Variants in CSPG4 observed in about 807,000 individuals in gnomAD.
CSPG4 encodes the protein chondroitin sulfate proteoglycan 4, also known as chondroitin sulfate proteoglycan 4 (melanoma-associated).
In CSPG4, 74 loss-of-function variants were observed where a neutral mutation model predicts 139.3. The observed-to-expected ratio is 0.53, with a 90% CI of 0.44 to 0.64. The LOEUF is 0.64. Ranked by LOEUF, CSPG4 falls within the 30% of genes least tolerant of loss-of-function variation. The pLI, the probability that CSPG4 is intolerant of heterozygous loss-of-function variation, is 0.00. For synonymous variants in CSPG4, 1,234 were observed against 1,394.2 expected (o/e 0.89, Z 2.56); for missense variants, 2,565 against 3,148.3 (o/e 0.81, Z 4.43).
At position 75,675,923 on chromosome 15, in the gene CSPG4, CCTGGCTCGCCTGTGGGGGTGCTGCTCT is replaced by C. The variant is rs773772887; in HGVS notation, c.6569_6595del (p.Glu2190_Pro2198del). On this transcript the variant is annotated inframe_deletion, in exon 10 of 10. Transcript: ENST00000308508. The stretch of plus-strand genomic sequence containing the variant: ...GGGCTCAGGGCTGGATGCCATGGGG[CCTGGCTCGCCTGTGGGGGTGCTGCTCT>C]CTGGCTTCCCTGCTTCCGTCCGGGC... The C allele has an allele frequency of 1.3e-4, 202 of 1,598,554 alleles. No homozygotes were observed. Among genetic ancestry groups the C allele is most frequent in the Non-Finnish European group, 1.6e-4 (193 of 1,177,812 alleles).
chr15:75,690,867 C>T, intron 2 of CSPG4, 55 bp from the exon 3 acceptor site: 3 of 1,538,374 alleles, frequency 2.0e-6, no homozygotes, highest in Non-Finnish European at 2.6e-6. Context: ...TCCATCATTT[C>T]CCTTATAAAA....
chr15:75,682,239 C>A, intron 8 of CSPG4, 54 bp downstream of exon 8: 5 of 1,582,964 alleles, frequency 3.2e-6, no homozygotes, highest in Non-Finnish European at 4.3e-6. Context: ...CATGGCACAG[C>A]GGCCACCTGA....
rs748699110 is a variant in CSPG4, at chr15:75,682,344, G to A, written c.4899C>T (p.His1633=). The change falls in exon 8 of 10, where the codon CAC becomes CAT. Residue 1633 remains histidine, a synonymous_variant. Coordinates refer to ENST00000308508, the MANE Select transcript of CSPG4 (RefSeq NM_001897.5). ...VRGPQLGRLF[H]AQQDSTGEAL... ...CCTCCCCTGTGCTGTCCTGCTGGGC[G>A]TGGAACAGCCGGCCTAGCTGGGGGC... 13 of 1,596,790 alleles carry A rather than the reference G, an allele frequency of 8.1e-6. No homozygotes were observed. Among genetic ancestry groups the A allele is most frequent in the Middle Eastern group, 2.3e-4 (1 of 4,444 alleles).
chr15:75,698,866 CT>C lies in CSPG4; in HGVS notation c.89-5634del, dbSNP rs1422228595. 1.3e-5 allele frequency among the ~76,000 whole-genome samples: 2 copies of C among 152,148 alleles called. No homozygotes were observed. Among genetic ancestry groups the C allele is most frequent in the East Asian group, 3.9e-4 (2 of 5,176 alleles). ...ACAAGGGGGTAGGTTACAGGGGAGA[CT>C]TAAGGTCAGACTAAGGGGAGCGACC... On this transcript the variant is annotated intron_variant, in intron 1 of 9. Coordinates refer to ENST00000308508, the MANE Select transcript of CSPG4 (RefSeq NM_001897.5). This position sits in a 1 kb window ranked among gnomAD's most constrained non-coding sequence, Gnocchi z 4.3.
chr15:75,680,594 G>C (rs1208943510), intron 8 of CSPG4: 2 of 152,960 alleles, frequency 1.3e-5, no homozygotes, highest in Non-Finnish European at 2.9e-5. Context: ...GGGAGCTGAT[G>C]CCTGGGTACG....
rs755636923 is a variant in CSPG4, at chr15:75,677,732, T to G, written c.5105A>C (p.Gln1702Pro). The G allele has an allele frequency of 1.2e-6, 2 of 1,606,572 alleles. No homozygotes were observed. The highest frequency in any genetic ancestry group is 1.7e-6 in the Non-Finnish European group (2 of 1,176,974). Residue 1702 changes from glutamine (Q) to proline (P), a missense_variant, in exon 9 of 10, where the codon CAG becomes CCG. Around this residue, in one of 5 missense-constraint regions of CSPG4, gnomAD observed 2,316 missense variants for 2,818.2 expected, o/e 0.82. Coordinates refer to ENST00000308508, the MANE Select transcript of CSPG4 (RefSeq NM_001897.5). ...VAVSFEAACP[Q>P]RPSHLWKNKG... is the part of the protein sequence containing the mutation. ...GTTCTTCCAGAGGTGGCTGGGGCGC[T>G]GGGGACAGGCAGCCTCAAAAGACAC...
Position 75,689,341 on chromosome 15 carries a change from G to C in CSPG4, c.1724C>G (p.Pro575Arg), listed in dbSNP as rs1218538916. 1.2e-6 allele frequency: 2 copies of C among 1,611,426 alleles called. No homozygotes were observed. Among genetic ancestry groups the C allele is most frequent in the Admixed American group, 3.3e-5 (2 of 60,002 alleles). The part of the protein sequence containing the change: ...ILEHTQKPLG[P>R]EVFQAYDPDS... ...CGGGTCATAGGCCTGGAAAACCTCA[G>C]GCCCCAGCGGCTTCTGCGTGTGTTC... is the stretch of plus-strand genomic sequence containing the variant. The change falls in exon 3 of 10, where the codon CCT (proline) becomes CGT (arginine). Residue 575 changes from proline to arginine, a missense_variant. Pro to Arg is a moderately radical substitution (Grantham distance 103, BLOSUM62 -2). Transcript: ENST00000308508.
Position 75,685,578 on chromosome 15 carries a change from C to T in CSPG4, c.3913G>A (p.Val1305Met), listed in dbSNP as rs781271214. Reference protein sequence around the residue: ...LADEPPSLDPVQSFSQEAVDT... With the variant: ...LADEPPSLDPMQSFSQEAVDT... ...ACTGCCTCCTGGGAGAAGCTCTGCA[C>T]AGGGTCCAGGCTGGGTGGCTCATCT... The change falls in exon 4 of 10, where the codon GTG becomes ATG. Residue 1305 changes from valine to methionine, a missense_variant. Around this residue, in one of 5 missense-constraint regions of CSPG4, gnomAD observed 2,316 missense variants for 2,818.2 expected, o/e 0.82. Coordinates refer to ENST00000308508, the MANE Select transcript of CSPG4 (RefSeq NM_001897.5). The T allele has an allele frequency of 3.8e-5, 61 of 1,609,184 alleles. No individual in the cohort carries two copies. The South Asian group carries it at 4.3e-4, about 11-fold the overall frequency.
At chr15:75,678,421 T>C (rs1302182068) in intron 8 of CSPG4, 6 of 342,214 alleles carry the variant, frequency 1.8e-5, no homozygotes, top group Admixed American at 4.0e-5. Context: ...GGCGTGATCA[T>C]GGCTCACTGC....
At chr15:75,697,357 G>A (rs1894241624) in intron 1 of CSPG4, among the ~76,000 whole-genome samples, 1 of 152,236 alleles carries the variant, frequency 6.6e-6, no homozygotes, top group Non-Finnish European at 1.5e-5. Flanking sequence ...CCGGCCTGGG[G>A]CCCCACCCTC....
chr15:75,704,958 G>T (rs530534077), intron 1 of CSPG4, among the ~76,000 whole-genome samples: 1 of 152,322 alleles, frequency 6.6e-6, no homozygotes, highest in East Asian at 1.9e-4. Context: ...GCGAGGGGTT[G>T]GTAGAGAGCA....
Position 75,688,165 on chromosome 15 carries a change from C to T in CSPG4, c.2900G>A (p.Arg967His), listed in dbSNP as rs202195663. The part of the protein sequence containing the change: ...VTSFTNEDLL[R>H]GRLVYQHDDS... The stretch of plus-strand genomic sequence containing the variant: ...ATCATGCTGGTAGACCAGCCGGCCA[C>T]GCAACAGGTCTTCATTGGTGAAGGA... The change falls in exon 3 of 10, where the codon CGT becomes CAT. Residue 967 changes from arginine to histidine, a missense_variant. Around this residue, in one of 5 missense-constraint regions of CSPG4, gnomAD observed 2,316 missense variants for 2,818.2 expected, o/e 0.82. Transcript: ENST00000308508. 1.3e-4 allele frequency: 207 copies of T among 1,612,686 alleles called. 1 individual carries two copies. The highest frequency in any genetic ancestry group is 5.3e-4 in the East Asian group (24 of 44,898).
Position 75,675,494 on chromosome 15 carries a change from C to T in CSPG4, c.*56G>A, listed in dbSNP as rs577479436. 30 of 1,418,142 alleles carry T rather than the reference C, an allele frequency of 2.1e-5. No homozygotes were observed. The highest frequency in any genetic ancestry group is 2.6e-4 in the Middle Eastern group (1 of 3,782). The allele number at this position is 1,418,142 out of a possible 1,614,324, so 87.8% of individuals were successfully genotyped here. On this transcript the variant is annotated 3_prime_UTR_variant, in exon 10 of 10. Transcript: ENST00000308508. Reference sequence around the variant, plus strand: ...CACCAGGCATGGAAGCAATGGGGCCCGGGACATGGGCAAGCCTGTCCCTGG... The same window carrying T: ...CACCAGGCATGGAAGCAATGGGGCCTGGGACATGGGCAAGCCTGTCCCTGG...
At position 75,689,646 on chromosome 15, in the gene CSPG4, G is replaced by C; in HGVS notation, c.1419C>G (p.Thr473=). 1 of 1,612,906 alleles carries C rather than the reference G, an allele frequency of 6.2e-7. No individual in the cohort carries two copies. Among genetic ancestry groups the C allele is most frequent in the African/African-American group, 1.3e-5 (1 of 75,072 alleles). Residue 473 remains threonine (T), a synonymous_variant, in exon 3 of 10, where the codon ACC becomes ACG. Coordinates refer to ENST00000308508, the MANE Select transcript of CSPG4 (RefSeq NM_001897.5). ...CGAGCTCGCCATGGCGTGCCCCTCGGGTCACGCTGAACAGCACCTGGGATT... is the reference window on the plus strand; with the variant it reads ...CGAGCTCGCCATGGCGTGCCCCTCGCGTCACGCTGAACAGCACCTGGGATT... ...LRKSQVLFSV[T]RGARHGELEL...
chr15:75,699,745 T>G (rs1894276441), intron 1 of CSPG4, among the ~76,000 whole-genome samples: 1 of 151,924 alleles, frequency 6.6e-6, no homozygotes, highest in Non-Finnish European at 1.5e-5. Context: ...GCCTCAATGG[T>G]GTCTTTGTGG....
At position 75,712,840 on chromosome 15, in the gene CSPG4, C is replaced by A; in HGVS notation, c.-85G>T. The A allele has an allele frequency of 8.1e-7, 1 of 1,238,420 alleles. No individual in the cohort carries two copies. 76.7% of individuals were successfully genotyped at this position (1,238,420 alleles called of 1,614,324 possible). A position where few individuals can be genotyped will look rare whatever the true frequency, so the allele number is the denominator to read the frequency against. On this transcript the variant is annotated 5_prime_UTR_variant, in exon 1 of 10. Transcript: ENST00000308508. ...TGAGTGGAGCGAGCGCGGCTCTGCTCCTGGGCGCGGGCCGGCTCCGGGTGT... is the reference window on the plus strand; with the variant it reads ...TGAGTGGAGCGAGCGCGGCTCTGCTACTGGGCGCGGGCCGGCTCCGGGTGT...
rs756019878 is a variant in CSPG4, at chr15:75,675,673, C to T, written c.6846G>A (p.Gln2282=). 6.5e-7 allele frequency: 1 copy of T among 1,546,690 alleles called. No individual in the cohort carries two copies. The highest frequency in any genetic ancestry group is 8.7e-7 in the Non-Finnish European group (1 of 1,144,326). ...TETFRKVEPG[Q]AIPLTAVPGQ... is the part of the protein sequence containing the mutation. ...CAGGCACAGCTGTGAGCGGGATGGC[C>T]TGGCCTGGCTCCACCTTGCGAAAGG... Residue 2282 remains glutamine, a synonymous_variant, in exon 10 of 10, where the codon CAG becomes CAA. Coordinates refer to ENST00000308508, the MANE Select transcript of CSPG4 (RefSeq NM_001897.5).
At chr15:75,702,824 G>A (rs901336097) in intron 1 of CSPG4, among the ~76,000 whole-genome samples, 6 of 152,086 alleles carry the variant, frequency 3.9e-5, no homozygotes, top group East Asian at 1.9e-4. Flanking sequence ...GACAGAAGAC[G>A]GATGGGGTTT....
Position 75,687,460 on chromosome 15 carries a change from T to C in CSPG4, c.3605A>G (p.Asn1202Ser), listed in dbSNP as rs776209011. The C allele has an allele frequency of 1.9e-6, 3 of 1,612,506 alleles. No homozygotes were observed. The highest frequency in any genetic ancestry group is 2.5e-6 in the Non-Finnish European group (3 of 1,179,646). ...LLDGAVLYSH[N>S]GSLSPRDTMA... ...GGTGTCGCGGGGGCTGAGGCTGCCA[T>C]TGTGGCTATAGAGAACGGCCCCATC... The change falls in exon 3 of 10, where the codon AAT becomes AGT. Residue 1202 changes from asparagine (N) to serine (S), a missense_variant. Asn to Ser is a conservative substitution (Grantham distance 46). Around this residue, in one of 5 missense-constraint regions of CSPG4, gnomAD observed 2,316 missense variants for 2,818.2 expected, o/e 0.82. Transcript: ENST00000308508. This position sits in a 1 kb window ranked among gnomAD's most constrained non-coding sequence, Gnocchi z 5.4.
Sources: gnomAD v4.1 joint callset for allele counts (sites outside exome capture counted in the v4.1 genomes callset) on GRCh38, gnomAD v4.1.1 for gene constraint, gnomAD v4.1.1 regional missense constraint, Gnocchi (gnomAD v3.1) non-coding constraint, MANE v1.5 for transcripts, NCBI Gene and HGNC (gene_info 2026-07-23, HGNC 2026-07-21) for gene names.